Variants in NELL1 observed in about 807,000 individuals in gnomAD.
NELL1 encodes protein kinase C-binding protein NELL1.
Under a neutral mutation model 107.4 loss-of-function variants are expected in NELL1, and 76 were observed. The ratio of observed to expected loss-of-function variants is 0.71; its 90% confidence interval spans 0.59 to 0.86. The LOEUF (loss-of-function observed/expected upper bound fraction) is 0.86. NELL1 is among the 40% of genes least tolerant of loss of function. NELL1 has a pLI of 0.00. For synonymous variants in NELL1, 353 were observed against 341.2 expected, an observed-to-expected ratio of 1.03 and a Z score of -0.38; for missense variants, 1,024 against 1,005.5, an observed-to-expected ratio of 1.02 and a Z score of -0.25.
chr11:21,536,746 A>T (rs1192897822), intron 16 of NELL1, among the ~76,000 whole-genome samples: 1 of 152,196 alleles, frequency 6.6e-6, no homozygotes, highest in Admixed American at 6.5e-5. Context: ...CCTCATTCCC[A>T]GCCACATAAC....
chr11:20,777,243 G>C lies in NELL1; in HGVS notation c.185-6437G>C, dbSNP rs554575309. 9.8e-5 allele frequency among the ~76,000 whole-genome samples: 15 copies of C among 152,308 alleles called. No homozygotes were observed. In the East Asian group the frequency reaches 2.7e-3, roughly 27 times the overall value. ...CTTTAGTTTGGTCATCTGTAAAGTA[G>C]GAATAATAATAATAATGTCTTCTAA... is the stretch of plus-strand genomic sequence containing the variant. On this transcript the variant is annotated intron_variant, in intron 2 of 19. Transcript: ENST00000357134.
chr11:21,523,726 C>A (rs1855783042), intron 15 of NELL1, among the ~76,000 whole-genome samples: 1 of 152,062 alleles, frequency 6.6e-6, no homozygotes, highest in Non-Finnish European at 1.5e-5. Context: ...AGGTAGTTAA[C>A]TAGGCTCCTC....
chr11:20,774,717 A>T (rs1856715041), intron 2 of NELL1, among the ~76,000 whole-genome samples: 1 of 152,184 alleles, frequency 6.6e-6, no homozygotes, highest in African/African-American at 2.4e-5. Flanking sequence ...AAATGAATAA[A>T]TGAGCGGATG....
At chr11:21,387,669 G>A (rs185625147) in intron 15 of NELL1, among the ~76,000 whole-genome samples, 272 of 151,840 alleles carry the variant, frequency 1.8e-3, no homozygotes, top group African/African-American at 6.3e-3. Flanking sequence ...TACAACAAAA[G>A]TTTTGACAAC....
intron 16 of NELL1, among the ~76,000 whole-genome samples, chr11:21,540,448 C>T (rs1040184222): frequency 1.6e-4 from 25 of 152,128 alleles, no homozygotes; most frequent in African/African-American, 6.0e-4. Context: ...ATTTACCTTT[C>T]GGTGCCTGGC....
At chr11:21,370,265 A>G (rs540100755) in intron 14 of NELL1, among the ~76,000 whole-genome samples, 1 of 152,166 alleles carries the variant, frequency 6.6e-6, no homozygotes, top group East Asian at 1.9e-4. Flanking sequence ...CATTTTTCAT[A>G]AAGGAATAGT....
intron 4 of NELL1, among the ~76,000 whole-genome samples, chr11:20,870,859 T>C (rs917066198): frequency 1.3e-5 from 2 of 152,206 alleles, no homozygotes; most frequent in Admixed American, 6.5e-5. Context: ...AAAAATTTCT[T>C]TCAAGAAGAT....
At chr11:20,964,642 T>G (rs1451213584) in intron 12 of NELL1, among the ~76,000 whole-genome samples, 1 of 152,176 alleles carries the variant, frequency 6.6e-6, no homozygotes, top group Non-Finnish European at 1.5e-5. Flanking sequence ...ACTTAAATGC[T>G]CCCTCTTCTT....
intron 12 of NELL1, among the ~76,000 whole-genome samples, chr11:20,996,122 T>C (rs1852085625): frequency 6.6e-6 from 1 of 152,212 alleles, no homozygotes; most frequent in African/African-American, 2.4e-5. Context: ...CTGTTCTTAA[T>C]AAAAGGAGGA....
rs574341449 is a variant in NELL1, at chr11:21,544,193, A to AACTT, written c.1786+9682_1786+9685dup. 4.0e-3 allele frequency among the ~76,000 whole-genome samples: 607 copies of AACTT among 152,102 alleles called. 5 individuals carry two copies. Among genetic ancestry groups the AACTT allele is most frequent in the African/African-American group, 0.014 (575 of 41,530 alleles). Reference sequence around the variant, plus strand: ...GTAATGATAAGGAGAAAAATTAGAAAACTTACAAAAACCTTCACAAGTATT... The same window carrying AACTT: ...GTAATGATAAGGAGAAAAATTAGAAAACTTACTTACAAAAACCTTCACAAGTATT... On this transcript the variant is annotated intron_variant, in intron 16 of 19. Coordinates refer to ENST00000357134, the MANE Select transcript of NELL1 (RefSeq NM_006157.5).
At chr11:21,237,542 A>C (rs1348166325) in intron 14 of NELL1, among the ~76,000 whole-genome samples, 4 of 151,922 alleles carry the variant, frequency 2.6e-5, no homozygotes, top group Admixed American at 6.6e-5. Flanking sequence ...AATATTTTTT[A>C]CTTGCCGGAA....
chr11:21,074,242 T>C (rs765959259), intron 12 of NELL1, among the ~76,000 whole-genome samples: 1 of 152,152 alleles, frequency 6.6e-6, no homozygotes, highest in African/African-American at 2.4e-5. Context: ...ATTCTGCATA[T>C]TAACGAGACT....
chr11:21,446,241 C>T (rs1418096329), intron 15 of NELL1, among the ~76,000 whole-genome samples: 1 of 152,070 alleles, frequency 6.6e-6, no homozygotes, highest in East Asian at 1.9e-4. Flanking sequence ...TGAATACTTT[C>T]TCTGTGTTAT....
At chr11:20,855,585 G>T (rs143446029) in intron 4 of NELL1, among the ~76,000 whole-genome samples, 2 of 151,952 alleles carry the variant, frequency 1.3e-5, no homozygotes, top group Non-Finnish European at 2.9e-5. Context: ...GAATGGAGGG[G>T]GAAAATAGGC....
intron 2 of NELL1, among the ~76,000 whole-genome samples, chr11:20,741,319 C>T (rs1024847578): frequency 6.6e-6 from 1 of 152,058 alleles, no homozygotes; most frequent in Non-Finnish European, 1.5e-5. Flanking sequence ...TCCTAGACCC[C>T]GGGCTTATGC....
At chr11:21,191,277 A>C (rs1857043596) in intron 13 of NELL1, among the ~76,000 whole-genome samples, 1 of 151,872 alleles carries the variant, frequency 6.6e-6, no homozygotes, top group Non-Finnish European at 1.5e-5. Flanking sequence ...AGAGGAAAGC[A>C]AGAAAGAGAG....
intron 13 of NELL1, among the ~76,000 whole-genome samples, chr11:21,144,328 A>G (rs1012816513): frequency 8.5e-5 from 13 of 152,296 alleles, no homozygotes; most frequent in Middle Eastern, 6.8e-3. Flanking sequence ...ACACATTTGT[A>G]TCTAAGGACA....
chr11:21,500,493 G>A (rs1272506827), intron 15 of NELL1, among the ~76,000 whole-genome samples: 1 of 151,970 alleles, frequency 6.6e-6, no homozygotes, highest in African/African-American at 2.4e-5. Flanking sequence ...TTTATTATTT[G>A]TCCTTTATGA....
chr11:20,686,931 AG>A (rs1335538273), intron 2 of NELL1, among the ~76,000 whole-genome samples: 1 of 136,190 alleles, frequency 7.3e-6, no homozygotes, highest in East Asian at 2.0e-4. Context: ...TAGGGGCTTC[AG>A]TTTTTTTTTT....
Sources: gnomAD v4.1 joint callset for allele counts (sites outside exome capture counted in the v4.1 genomes callset) on GRCh38, gnomAD v4.1.1 for gene constraint, MANE v1.5 for transcripts, NCBI Gene and HGNC (gene_info 2026-07-23, HGNC 2026-07-21) for gene names.